DCDC1: variants seen among roughly 807,000 people sequenced by gnomAD.
DCDC1 encodes the protein doublecortin domain containing 1.
In DCDC1, 200 loss-of-function variants were observed where a neutral mutation model predicts 178.3. The ratio of observed to expected loss-of-function variants is 1.12; its 90% confidence interval spans 1.00 to 1.26. DCDC1 has a LOEUF of 1.26. Ranked by LOEUF, DCDC1 falls within the 50% of genes most tolerant of loss-of-function variation. DCDC1 has a pLI of 0.00. For synonymous variants in DCDC1, 690 were observed against 604.8 expected (o/e 1.14, Z -2.07); for missense variants, 1,983 against 1,749.2 (o/e 1.13, Z -2.38).
intron 9 of DCDC1, among the ~76,000 whole-genome samples, chr11:31,210,051 T>A (rs1565435514): frequency 2.0e-5 from 3 of 152,144 alleles, no homozygotes; most frequent in Non-Finnish European, 4.4e-5. Flanking sequence ...GTCTGCTACA[T>A]GGGGGGTATC....
At chr11:30,909,348 C>T (rs1945287690) in intron 28 of DCDC1, among the ~76,000 whole-genome samples, 1 of 152,050 alleles carries the variant, frequency 6.6e-6, no homozygotes, top group African/African-American at 2.4e-5. Context: ...AATTTGGTAA[C>T]TGCAATTTTT....
At chr11:31,273,711 C>A (rs1945757593) in intron 7 of DCDC1, among the ~76,000 whole-genome samples, 1 of 152,184 alleles carries the variant, frequency 6.6e-6, no homozygotes, top group African/African-American at 2.4e-5. Flanking sequence ...AGCAGCACCC[C>A]ACTCTTGGTA....
chr11:31,075,472 CT>C (rs1956810613), intron 18 of DCDC1, among the ~76,000 whole-genome samples: 1 of 152,032 alleles, frequency 6.6e-6, no homozygotes. Flanking sequence ...CTCCATATTG[CT>C]TTCTATACAG....
intron 3 of DCDC1, chr11:31,314,610 G>C (rs896228571): frequency 6.6e-6 from 1 of 152,178 alleles, no homozygotes; most frequent in African/African-American, 2.4e-5. Flanking sequence ...TTCAGTTCTT[G>C]ACTGCTATAG....
chr11:30,927,940 AT>A (rs930969750), intron 22 of DCDC1, among the ~76,000 whole-genome samples: 5 of 152,130 alleles, frequency 3.3e-5, no homozygotes, highest in African/African-American at 9.7e-5. Context: ...AAAAATACTG[AT>A]TAAAAAAAAT....
At chr11:31,045,304 TG>T (rs1954764505) in intron 20 of DCDC1, among the ~76,000 whole-genome samples, 1 of 152,108 alleles carries the variant, frequency 6.6e-6, no homozygotes, top group Admixed American at 6.5e-5. Context: ...TTTCTGCTTG[TG>T]CGACCCACTT....
At chr11:31,298,798 C>T (rs149993710) in intron 6 of DCDC1, among the ~76,000 whole-genome samples, 1 of 152,112 alleles carries the variant, frequency 6.6e-6, no homozygotes, top group Non-Finnish European at 1.5e-5. Flanking sequence ...TTCCATTTTG[C>T]TTGTACCAAG....
chr11:31,173,764 A>ACG (rs778102182), intron 9 of DCDC1, among the ~76,000 whole-genome samples: 28 of 135,134 alleles, frequency 2.1e-4, no homozygotes, highest in Non-Finnish European at 3.7e-4. Context: ...ACACAAACAC[A>ACG]CACACACCCC....
intron 9 of DCDC1, among the ~76,000 whole-genome samples, chr11:31,184,481 TATC>T (rs1460719777): frequency 1.3e-5 from 2 of 152,024 alleles, no homozygotes; most frequent in Non-Finnish European, 2.9e-5. Context: ...CAAAAGAAAT[TATC>T]ATCAGAGTGA....
intron 23 of DCDC1, among the ~76,000 whole-genome samples, chr11:30,925,083 A>C (rs982970928): frequency 6.6e-6 from 1 of 152,148 alleles, no homozygotes; most frequent in Non-Finnish European, 1.5e-5. Flanking sequence ...AAAAAAAAAA[A>C]AAAAGTTTAA....
At chr11:31,296,967 G>A (rs79665813) in intron 6 of DCDC1, among the ~76,000 whole-genome samples, 136 of 152,312 alleles carry the variant, frequency 8.9e-4, no homozygotes, top group East Asian at 7.0e-3. Flanking sequence ...CACAGAGCCA[G>A]ACCATATCAA....
Position 30,892,984 on chromosome 11 carries a change from T to A in DCDC1, c.4916A>T (p.Glu1639Val), listed in dbSNP as rs1394831231. ...LIRHTEAHLS[E>V]IQEMESKINF... ...TATTTTGGATTCCATTTCTTGGATT[T>A]CAGAAAGGTGTGCCTGTCAAGAAAA... Residue 1639 changes from glutamate to valine, a missense_variant, in exon 36 of 39, where the codon GAA (glutamate) becomes GTA (valine). Coordinates refer to ENST00000684477, the MANE Select transcript of DCDC1 (RefSeq NM_001387274.1). 6.2e-7 allele frequency: 1 copy of A among 1,613,728 alleles called. No homozygotes were observed. The highest frequency in any genetic ancestry group is 1.7e-5 in the Admixed American group (1 of 60,002).
At chr11:31,315,869 T>C (rs1211738115) in intron 3 of DCDC1, among the ~76,000 whole-genome samples, 5 of 101,476 alleles carry the variant, frequency 4.9e-5, no homozygotes, top group East Asian at 5.1e-4. Flanking sequence ...TGTGATCTCA[T>C]TGTTCAATTC....
intron 28 of DCDC1, 98 bp downstream of exon 28, chr11:30,911,229 A>G (rs764589930): frequency 1.1e-6 from 1 of 930,606 alleles, no homozygotes; most frequent in Non-Finnish European, 1.6e-6. Context: ...ATAGGATTCT[A>G]TGACAGTTTT....
chr11:31,184,972 T>C (rs1450473089), intron 9 of DCDC1, among the ~76,000 whole-genome samples: 3 of 152,170 alleles, frequency 2.0e-5, no homozygotes, highest in African/African-American at 4.8e-5. Flanking sequence ...ATGTTTATTG[T>C]GGCACTATTC....
At chr11:31,287,662 T>C (rs960823683) in intron 7 of DCDC1, among the ~76,000 whole-genome samples, 3 of 151,994 alleles carry the variant, frequency 2.0e-5, no homozygotes, top group African/African-American at 7.2e-5. Flanking sequence ...GCAATACTAT[T>C]AATATTTGAA....
chr11:31,332,912 C>T (rs916149955), intron 2 of DCDC1, among the ~76,000 whole-genome samples: 1 of 152,148 alleles, frequency 6.6e-6, no homozygotes, highest in East Asian at 1.9e-4. Context: ...TGGTGCAGAG[C>T]TGAGTTCAAG....
At chr11:31,328,351 C>A in intron 2 of DCDC1, 65 bp from the exon 3 acceptor site, 1 of 1,451,896 alleles carries the variant, frequency 6.9e-7, no homozygotes, top group South Asian at 1.5e-5. Context: ...CAAATAGAGG[C>A]TGGGCATTAA....
chr11:31,083,073 G>T (rs912588303), intron 17 of DCDC1, among the ~76,000 whole-genome samples: 1 of 152,166 alleles, frequency 6.6e-6, no homozygotes, highest in African/African-American at 2.4e-5. Flanking sequence ...TACACTTGCT[G>T]ATTGTATGTA....
Sources: gnomAD v4.1 joint callset for allele counts (sites outside exome capture counted in the v4.1 genomes callset) on GRCh38, gnomAD v4.1.1 for gene constraint, MANE v1.5 for transcripts, NCBI Gene and HGNC (gene_info 2026-07-23, HGNC 2026-07-21) for gene names.